ARPC1A: variants seen among roughly 807,000 people sequenced by gnomAD.
The protein encoded by ARPC1A is actin-related protein 2/3 complex subunit 1A.
ARPC1A carries 8 observed loss-of-function variants against 46.9 expected under a neutral mutation model. The observed-to-expected ratio is 0.17, with a 90% CI of 0.10 to 0.31. ARPC1A has a LOEUF of 0.31. Ranked by LOEUF, ARPC1A falls within the 10% of genes least tolerant of loss-of-function variation. The pLI, the probability that ARPC1A is intolerant of heterozygous loss-of-function variation, is 1.00. For synonymous variants in ARPC1A, 152 were observed against 169.0 expected, an observed-to-expected ratio of 0.90 and a Z score of 0.78; for missense variants, 286 against 483.6, an observed-to-expected ratio of 0.59 and a Z score of 3.83.
At chr7:99,358,514 TTTTTAG>T in intron 7 of ARPC1A, 99 bp downstream of exon 7, 1 of 1,071,554 alleles carries the variant, frequency 9.3e-7, no homozygotes, top group East Asian at 2.5e-5. Context: ...GCAGAACAGT[TTTTTAG>T]AAGAAACAGA....
intron 3 of ARPC1A, among the ~76,000 whole-genome samples, chr7:99,341,433 C>A (rs1243978164): frequency 6.6e-6 from 1 of 151,584 alleles, no homozygotes; most frequent in Non-Finnish European, 1.5e-5. Context: ...CATGGAGAAA[C>A]CCCATTTCTA....
Position 99,329,093 on chromosome 7 carries a change from T to G in ARPC1A, c.-30+3089T>G, listed in dbSNP as rs143356430. 7.2e-5 allele frequency among the ~76,000 whole-genome samples: 11 copies of G among 151,792 alleles called. No homozygotes were observed. The East Asian group carries it at 7.8e-4, about 11-fold the overall frequency. On this transcript the variant is annotated intron_variant, in intron 1 of 9. Coordinates refer to ENST00000262942, the MANE Select transcript of ARPC1A (RefSeq NM_006409.4). ...AGGCAGGCGGATCACGAGGTCAGGA[T>G]ATCGAGACCATCCTGGCTAACACGG... is the stretch of plus-strand genomic sequence containing the variant.
At chr7:99,328,662 GGT>G (rs1793092690) in intron 1 of ARPC1A, among the ~76,000 whole-genome samples, 1 of 151,920 alleles carries the variant, frequency 6.6e-6, no homozygotes. Context: ...AAAGAAAAGG[GGT>G]GGGGGCCGGG....
At position 99,325,947 on chromosome 7, in the gene ARPC1A, A is replaced by G. The variant is rs1793035606; in HGVS notation, c.-87A>G. The stretch of plus-strand genomic sequence containing the variant: ...CGCCCGACGGAGCCTGTTCGCGTCG[A>G]CTGCCCAGAGTCCGCGAATCCTCCG... On this transcript the variant is annotated 5_prime_UTR_variant, in exon 1 of 10. Coordinates refer to ENST00000262942, the MANE Select transcript of ARPC1A (RefSeq NM_006409.4). 1 of 152,462 alleles carries G rather than the reference A, an allele frequency of 6.6e-6. No individual in the cohort carries two copies. The allele number at this position is 152,462 out of a possible 1,614,324, so 9.4% of individuals were successfully genotyped here.
In ARPC1A at chr7:99,363,708, C is replaced by T. The variant is rs114734488; in HGVS notation, c.1074+75C>T. On this transcript the variant is annotated intron_variant, in intron 9 of 9. Transcript: ENST00000262942. ...TTTTTTTTTAAGAGATAGGCTCCTT[C>T]TCTGTCACCCAGGTTGGAGTAAGTG... 2.3e-3 allele frequency: 2,516 copies of T among 1,083,814 alleles called. 33 individuals are homozygous for T. The African/African-American group carries it at 0.036, about 15-fold the overall frequency. The allele number at this position is 1,083,814 out of a possible 1,614,324, so 67.1% of individuals were successfully genotyped here.
chr7:99,355,338 G>A (rs760562842), intron 6 of ARPC1A, among the ~76,000 whole-genome samples: 5 of 151,848 alleles, frequency 3.3e-5, no homozygotes, highest in Non-Finnish European at 4.4e-5. Context: ...CAAATTCTCC[G>A]GTTGGAAAAT....
intron 1 of ARPC1A, among the ~76,000 whole-genome samples, chr7:99,332,436 T>C (rs1793158811): frequency 6.6e-6 from 1 of 152,154 alleles, no homozygotes. Context: ...TAAAGGCATC[T>C]TTTTCTCTTT....
intron 1 of ARPC1A, among the ~76,000 whole-genome samples, chr7:99,327,089 C>T (rs533269145): frequency 6.6e-6 from 1 of 152,228 alleles, no homozygotes; most frequent in African/African-American, 2.4e-5. Flanking sequence ...TGTGGTTTCA[C>T]ATAGGGCCTG....
chr7:99,329,933 TTAAG>T (rs1793117149), intron 1 of ARPC1A, among the ~76,000 whole-genome samples: 5 of 152,224 alleles, frequency 3.3e-5, no homozygotes, highest in Admixed American at 3.3e-4. Context: ...GCGCTTTTAA[TTAAG>T]GAGTTATAAC....
At chr7:99,336,759 G>T (rs928911660) in intron 2 of ARPC1A, among the ~76,000 whole-genome samples, 4 of 152,074 alleles carry the variant, frequency 2.6e-5, no homozygotes, top group Non-Finnish European at 5.9e-5. Context: ...CTCCCAAAGT[G>T]CTGGGATTAC....
intron 1 of ARPC1A, among the ~76,000 whole-genome samples, chr7:99,333,103 G>A (rs1033923970): frequency 2.6e-5 from 4 of 152,096 alleles, no homozygotes; most frequent in East Asian, 1.9e-4. Flanking sequence ...CACCAGGTTG[G>A]CCAGGCTGGT....
chr7:99,334,041 AT>A (rs111494426), intron 2 of ARPC1A, among the ~76,000 whole-genome samples: 112 of 121,344 alleles, frequency 9.2e-4, no homozygotes, highest in Admixed American at 1.0e-3. Context: ...ATATATATGT[AT>A]TTTTTTTTTT....
chr7:99,332,767 A>ATTTTTAGT (rs547410264), intron 1 of ARPC1A, among the ~76,000 whole-genome samples: 5,538 of 151,222 alleles, frequency 0.037, 112 homozygotes, highest in South Asian at 0.049. Context: ...ATGCCCGGCT[A>ATTTTTAGT]ATTTTTTGTA....
intron 8 of ARPC1A, among the ~76,000 whole-genome samples, chr7:99,360,473 G>A (rs1793720009): frequency 6.6e-6 from 1 of 151,854 alleles, no homozygotes; most frequent in Admixed American, 6.6e-5. Flanking sequence ...TTACAGGCGT[G>A]TGCCACCACA....
chr7:99,330,936 G>T (rs1793134422), intron 1 of ARPC1A, among the ~76,000 whole-genome samples: 1 of 152,130 alleles, frequency 6.6e-6, no homozygotes, highest in African/African-American at 2.4e-5. Context: ...CTAGATTTGG[G>T]TACCTATAAA....
chr7:99,344,543 C>T lies in ARPC1A; in HGVS notation c.392+28C>T, dbSNP rs765031081. 2.5e-6 allele frequency: 4 copies of T among 1,607,094 alleles called. No homozygotes were observed. In the East Asian group the frequency reaches 8.9e-5, roughly 36 times the overall value. ...GAGTGACATCTGAATTTTTTCTATC[C>T]CTCTCTATAGAATTTACATTTGCAC... On this transcript the variant is annotated intron_variant, in intron 4 of 9. Transcript: ENST00000262942.
rs751734506 is a variant in ARPC1A at position 99,354,138 on chromosome 7, C to T, written c.713+17C>T. On this transcript the variant is annotated intron_variant, in intron 6 of 9. Transcript: ENST00000262942. ...AAGTGTGCAGTGAGTATTTGCCTTT[C>T]ATTTGGAAGGTGGGGAACAAGGGGT... 8.7e-6 allele frequency: 14 copies of T among 1,607,158 alleles called. No homozygotes were observed. The highest frequency in any genetic ancestry group is 1.3e-5 in the African/African-American group (1 of 74,812).
chr7:99,365,434 C>T (rs1042107010), intron 9 of ARPC1A, among the ~76,000 whole-genome samples: 3 of 151,948 alleles, frequency 2.0e-5, no homozygotes, highest in African/African-American at 7.3e-5. Context: ...GATCCTGTCT[C>T]TATTTAAAAA....
At chr7:99,338,359 A>G (rs1483902597) in intron 3 of ARPC1A, 74 bp downstream of exon 3, 3 of 1,091,516 alleles carry the variant, frequency 2.7e-6, no homozygotes, top group East Asian at 2.8e-5. Flanking sequence ...AAAGAGCCTA[A>G]TAAACCCAGG....
Sources: allele counts gnomAD v4.1 joint callset (sites outside exome capture counted in the v4.1 genomes callset), GRCh38; gene constraint gnomAD v4.1.1; transcripts MANE v1.5; gene names NCBI Gene and HGNC (gene_info 2026-07-23, HGNC 2026-07-21).